The following C22orf15 variants were observed in gnomAD, a reference collection of about 807,000 sequenced individuals.
C22orf15 encodes chromosome 22 open reading frame 15.
Under a neutral mutation model 20.3 loss-of-function variants are expected in C22orf15, and 21 were observed. The ratio of observed to expected loss-of-function variants is 1.04; its 90% confidence interval spans 0.74 to 1.49. The LOEUF (loss-of-function observed/expected upper bound fraction) is 1.49, where lower values mean the gene tolerates loss of function less well. Ranked by LOEUF, C22orf15 falls within the 40% of genes most tolerant of loss-of-function variation. The pLI, the probability that C22orf15 is intolerant of heterozygous loss-of-function variation, is 0.00. For synonymous variants in C22orf15, 78 were observed against 75.4 expected (o/e 1.03, Z -0.18); for missense variants, 170 against 191.1 (o/e 0.89, Z 0.65).
intron 5 of C22orf15, 123 bp downstream of exon 5, chr22:23,765,025 G>C: frequency 1.3e-6 from 2 of 1,501,922 alleles, no homozygotes; most frequent in African/African-American, 1.4e-5. Flanking sequence ...CATATGATGA[G>C]GGGCAGACCC....
In C22orf15 at chr22:23,765,421, G is replaced by A. The variant is rs61160578; in HGVS notation, c.436-300G>A. The A allele has an allele frequency of 0.011, 16,950 of 1,550,996 alleles. 1,576 individuals are homozygous for A. In the African/African-American group the frequency reaches 0.2, roughly 19 times the overall value. ...CAGCAGGACTCCTCTTGCAGAATCTGGAATTGCTGAGAAGTTGCATCAGCA... is the reference window on the plus strand; with the variant it reads ...CAGCAGGACTCCTCTTGCAGAATCTAGAATTGCTGAGAAGTTGCATCAGCA... On this transcript the variant is annotated intron_variant, in intron 5 of 5. Transcript: ENST00000402217.
At chr22:23,763,837 A>T (rs531260481) in intron 1 of C22orf15, among the ~76,000 whole-genome samples, 11 of 152,342 alleles carry the variant, frequency 7.2e-5, no homozygotes, top group Non-Finnish European at 1.6e-4. Context: ...CGTGCTTTGC[A>T]GGACTCAAGA....
intron 1 of C22orf15, 97 bp downstream of exon 1, chr22:23,763,428 CG>C: frequency 1.0e-6 from 1 of 1,002,070 alleles, no homozygotes; most frequent in Non-Finnish European, 1.3e-6. Context: ...GAGGCAATGG[CG>C]GGAAAGGGGG....
At chr22:23,764,761 C>T (rs748510417) in intron 4 of C22orf15, 32 bp from the exon 5 acceptor site, 9 of 1,614,140 alleles carry the variant, frequency 5.6e-6, no homozygotes, top group Non-Finnish European at 7.6e-6. Context: ...TTCTCCCTAA[C>T]CCCTACCAAC....
At position 23,764,781 on chromosome 22, in the gene C22orf15, T is replaced by A. The variant is rs1365102875; in HGVS notation, c.326-12T>A. 1 of 1,614,112 alleles carries A rather than the reference T, an allele frequency of 6.2e-7. No individual in the cohort carries two copies. Among genetic ancestry groups the A allele is most frequent in the East Asian group, 2.2e-5 (1 of 44,880 alleles). ...CCTAACCCCTACCAACAGGACTTCC[T>A]GGGCCTTCCAGAGGAACTGCGCAGG... On this transcript the variant is annotated splice_polypyrimidine_tract_variant and intron_variant, in intron 4 of 5. Coordinates refer to ENST00000402217, the MANE Select transcript of C22orf15 (RefSeq NM_182520.3).
chr22:23,763,246 A>G lies in C22orf15; in HGVS notation c.-61A>G, dbSNP rs1925997364. Reference sequence around the variant, plus strand: ...AGGTCTCTGCTCCACGCTTTTCCTTAGTTGGGGAATCGAGAGTTGGGGGAT... The same window carrying G: ...AGGTCTCTGCTCCACGCTTTTCCTTGGTTGGGGAATCGAGAGTTGGGGGAT... On this transcript the variant is annotated 5_prime_UTR_variant, in exon 1 of 6. Coordinates refer to ENST00000402217, the MANE Select transcript of C22orf15 (RefSeq NM_182520.3). The G allele has an allele frequency of 1.3e-6, 2 of 1,544,194 alleles. No homozygotes were observed. The highest frequency in any genetic ancestry group is 1.8e-6 in the Non-Finnish European group (2 of 1,141,980).
rs529226911 is a variant in C22orf15, at chr22:23,765,674, T to C, written c.436-47T>C. Reference sequence around the variant, plus strand: ...TGGACTGCCCAAGGAATCTGTCCTGTGCTACCCACAGTGCAGATTGCAACA... The same window carrying C: ...TGGACTGCCCAAGGAATCTGTCCTGCGCTACCCACAGTGCAGATTGCAACA... On this transcript the variant is annotated intron_variant, in intron 5 of 5. Coordinates refer to ENST00000402217, the MANE Select transcript of C22orf15 (RefSeq NM_182520.3). 457 of 1,535,992 alleles carry C rather than the reference T, an allele frequency of 3.0e-4. 4 individuals carry two copies. The South Asian group carries it at 5.0e-3, about 17-fold the overall frequency.
chr22:23,764,982 C>A (rs765297949), intron 5 of C22orf15, 80 bp downstream of exon 5: 8 of 1,526,250 alleles, frequency 5.2e-6, no homozygotes, highest in Non-Finnish European at 7.0e-6. Flanking sequence ...CACAGAGACA[C>A]CCAGAGTGGG....
rs775602012 is a variant in C22orf15, at chr22:23,764,367, C to T, written c.220C>T (p.Arg74Ter). 52 of 1,551,842 alleles carry T rather than the reference C, an allele frequency of 3.4e-5. No homozygotes were observed. The highest frequency in any genetic ancestry group is 1.2e-4 in the East Asian group (5 of 40,954). ...QTMGNSLLKERAIYVLVRIIK... is the reference protein window; with the variant it reads ...QTMGNSLLKE ...CATGGGCAACTCCCTACTGAAGGAG[C>T]GAGCCATATATGTCCTCGTTCGGAT... The change falls in exon 3 of 6, where the codon CGA becomes TGA. Residue 74 changes from arginine to a stop codon, truncating the protein, a stop_gained. Transcript: ENST00000402217. LOFTEE classifies it high-confidence loss of function.
rs958712608 is a variant in C22orf15 at position 23,763,977 on chromosome 22, T to C, written c.26-110T>C. On this transcript the variant is annotated intron_variant, in intron 1 of 5. Transcript: ENST00000402217. ...ATGCCCGGGGCACAGTCTTAGCCCA[T>C]AGGCCCAGTCGCAGCTCTGGGAAAG... is the stretch of plus-strand genomic sequence containing the variant. The C allele has an allele frequency of 1.9e-5, 20 of 1,062,688 alleles. 1 individual carries two copies. The highest frequency in any genetic ancestry group is 6.1e-5 in the Admixed American group (3 of 49,088). 65.8% of individuals were successfully genotyped at this position (1,062,688 alleles called of 1,614,324 possible).
At chr22:23,763,445 G>C in intron 1 of C22orf15, 114 bp downstream of exon 1, 1 of 1,120,456 alleles carries the variant, frequency 8.9e-7, no homozygotes, top group Non-Finnish European at 1.2e-6. Flanking sequence ...GGGGGGTGGT[G>C]CACATGGCGG....
intron 4 of C22orf15, 31 bp from the exon 5 acceptor site, chr22:23,764,762 C>A (rs927658711): frequency 1.2e-6 from 2 of 1,614,128 alleles, no homozygotes; most frequent in Admixed American, 3.3e-5. Context: ...TCTCCCTAAC[C>A]CCTACCAACA....
At chr22:23,765,235 T>C in intron 5 of C22orf15, 2 of 1,467,092 alleles carry the variant, frequency 1.4e-6, no homozygotes, top group Non-Finnish European at 1.8e-6. Context: ...CAGCATGGTG[T>C]GTGATGGCAC....
In C22orf15 at chr22:23,764,352, TC is replaced by T; in HGVS notation, c.208del (p.Leu70TyrfsTer2). 6.4e-7 allele frequency: 1 copy of T among 1,551,704 alleles called. No individual in the cohort carries two copies. The highest frequency in any genetic ancestry group is 8.7e-7 in the Non-Finnish European group (1 of 1,147,058). ...TTCCCGGGCCCAGACCATGGGCAACTCCCTACTGAAGGAGCGAGCCATATAT... is the reference window on the plus strand; with the variant it reads ...TTCCCGGGCCCAGACCATGGGCAACTCCTACTGAAGGAGCGAGCCATATAT... ...GASRAQTMGN[S>X]LLKERAIYVL... On this transcript the variant is annotated frameshift_variant, in exon 3 of 6. Coordinates refer to ENST00000402217, the MANE Select transcript of C22orf15 (RefSeq NM_182520.3). LOFTEE classifies it high-confidence loss of function.
rs1019078468 is a variant in C22orf15 at position 23,765,712 on chromosome 22, C to G, written c.436-9C>G. The G allele has an allele frequency of 6.5e-7, 1 of 1,549,112 alleles. No homozygotes were observed. The highest frequency in any genetic ancestry group is 8.7e-7 in the Non-Finnish European group (1 of 1,145,722). On this transcript the variant is annotated splice_polypyrimidine_tract_variant and intron_variant, in intron 5 of 5. Transcript: ENST00000402217. ...GCAGATTGCAACAGGGCTCCTCCTC[C>G]CCACCCAGGGCCCTGATTAAGGGGA...
chr22:23,765,477 C>T (rs974104970), intron 5 of C22orf15: 21 of 1,550,606 alleles, frequency 1.4e-5, no homozygotes, highest in Middle Eastern at 1.7e-4. Flanking sequence ...GATTTGAGGC[C>T]GCCAGGGGCA....
chr22:23,764,345 G>A lies in C22orf15; in HGVS notation c.198G>A (p.Met66Ile), dbSNP rs1267605081. The change falls in exon 3 of 6, where the codon ATG becomes ATA. Residue 66 changes from methionine (M) to isoleucine (I), a missense_variant. By Grantham distance (10) the Met-to-Ile change is conservative. Transcript: ENST00000402217. Reference protein sequence around the residue: ...LKEGASRAQTMGNSLLKERAI... With the variant: ...LKEGASRAQTIGNSLLKERAI... ...AAGGGGCTTCCCGGGCCCAGACCATGGGCAACTCCCTACTGAAGGAGCGAG... is the reference window on the plus strand; with the variant it reads ...AAGGGGCTTCCCGGGCCCAGACCATAGGCAACTCCCTACTGAAGGAGCGAG... The A allele has an allele frequency of 1.9e-6, 3 of 1,551,704 alleles. No individual in the cohort carries two copies. Among genetic ancestry groups the A allele is most frequent in the Admixed American group, 3.9e-5 (2 of 51,010 alleles).
chr22:23,765,265 G>GGGCTTGTTC (rs1288145164), intron 5 of C22orf15: 1 of 1,504,016 alleles, frequency 6.6e-7, no homozygotes, highest in East Asian at 2.5e-5. Context: ...TGGGTTTGAA[G>GGGCTTGTTC]GGCTTGTTCT....
At position 23,763,147 on chromosome 22, in the gene C22orf15, C is replaced by T; in HGVS notation, c.-160C>T. ...CAGCAGAACCACAGAGGTGGCTGAGCAGGGGCCTGGCCCTGGGACCCAGCC... is the reference window on the plus strand; with the variant it reads ...CAGCAGAACCACAGAGGTGGCTGAGTAGGGGCCTGGCCCTGGGACCCAGCC... On this transcript the variant is annotated 5_prime_UTR_variant, in exon 1 of 6. Transcript: ENST00000402217. 1.1e-6 allele frequency: 1 copy of T among 923,098 alleles called. No individual in the cohort carries two copies. The highest frequency in any genetic ancestry group is 1.6e-6 in the Non-Finnish European group (1 of 606,310). The allele number at this position is 923,098 out of a possible 1,614,324, so 57.2% of individuals were successfully genotyped here.
Sources: gnomAD v4.1 joint callset for allele counts (sites outside exome capture counted in the v4.1 genomes callset) on GRCh38, gnomAD v4.1.1 for gene constraint, MANE v1.5 for transcripts, NCBI Gene and HGNC (gene_info 2026-07-23, HGNC 2026-07-21) for gene names.